The following GANAB variants were observed in gnomAD, a reference collection of about 807,000 sequenced individuals.
The protein encoded by GANAB is glucosidase II alpha subunit, also known as neutral alpha-glucosidase AB.
A neutral mutation model predicts 129.9 loss-of-function variants in GANAB; 35 were observed. The observed-to-expected ratio is 0.27, with a 90% CI of 0.21 to 0.36. The LOEUF (loss-of-function observed/expected upper bound fraction) is 0.36, where lower values mean the gene tolerates loss of function less well. Ranked by LOEUF, GANAB falls within the 10% of genes least tolerant of loss-of-function variation. GANAB has a pLI of 1.00. For missense variants in GANAB, 939 were observed against 1,221.0 expected, an observed-to-expected ratio of 0.77 and a Z score of 3.44; for synonymous variants, 482 against 451.8, an observed-to-expected ratio of 1.07 and a Z score of -0.85.
intron 6 of GANAB, 40 bp from the exon 7 acceptor site, chr11:62,633,311 G>T: frequency 6.4e-7 from 1 of 1,567,786 alleles, no homozygotes; most frequent in Non-Finnish European, 8.8e-7. Flanking sequence ...AATCATACCA[G>T]TTCTCTCTTT....
intron 5 of GANAB, chr11:62,633,954 T>A: frequency 2.8e-6 from 1 of 351,584 alleles, no homozygotes; most frequent in Non-Finnish European, 5.2e-6. Context: ...CAGACATACA[T>A]AGGGACTTCA....
In GANAB at chr11:62,631,091, G is replaced by A. The variant is rs779299637; in HGVS notation, c.1089C>T (p.Asp363=). The part of the protein sequence containing the change: ...VRWMSETGII[D]VFLLLGPSIS... ...TGGAGGGCCCCAGCAGCAGGAAGAC[G>A]TCAATGATGCCAGTCTCTGACATCC... is the stretch of plus-strand genomic sequence containing the variant. Residue 363 remains aspartate (D), a synonymous_variant, in exon 10 of 24, where the codon GAC becomes GAT. Coordinates refer to ENST00000356638, the MANE Select transcript of GANAB (RefSeq NM_198334.3). 42 of 1,611,480 alleles carry A rather than the reference G, an allele frequency of 2.6e-5. No homozygotes were observed. Among genetic ancestry groups the A allele is most frequent in the African/African-American group, 6.7e-5 (5 of 74,886 alleles).
intron 1 of GANAB, among the ~76,000 whole-genome samples, chr11:62,641,039 TAA>T (rs1032069836): frequency 2.0e-5 from 3 of 151,254 alleles, no homozygotes; most frequent in African/African-American, 7.3e-5. Context: ...GATGCAAAGT[TAA>T]AGAGCTAAAC....
chr11:62,630,398 A>G lies in GANAB; in HGVS notation c.1494T>C (p.Tyr498=). The G allele has an allele frequency of 1.2e-6, 2 of 1,614,204 alleles. No individual in the cohort carries two copies. The highest frequency in any genetic ancestry group is 1.7e-5 in the Admixed American group (1 of 60,024). ...LYVKTRDGSD[Y]EGWCWPGSAG... is the part of the protein sequence containing the mutation. ...GCTTACCTGGCCAGCACCAGCCCTC[A>G]TAGTCAGAGCCATCCCGGGTTTTAA... Residue 498 remains tyrosine (Y), a synonymous_variant, in exon 12 of 24, where the codon TAT becomes TAC. Coordinates refer to ENST00000356638, the MANE Select transcript of GANAB (RefSeq NM_198334.3).
At chr11:62,630,132 CGA>C in intron 13 of GANAB, 63 bp downstream of exon 13, 5 of 1,402,322 alleles carry the variant, frequency 3.6e-6, no homozygotes, top group South Asian at 2.4e-5. Context: ...GTTGGCAAGC[CGA>C]GAGAGATTCA....
At chr11:62,629,489 T>C (rs949145385) in intron 15 of GANAB, 99 bp downstream of exon 15, 29 of 860,326 alleles carry the variant, frequency 3.4e-5, no homozygotes, top group Admixed American at 1.3e-4. Flanking sequence ...ACAGATGCAG[T>C]GTGTGGCTCC....
At chr11:62,644,696 C>T (rs1398233858) in intron 1 of GANAB, among the ~76,000 whole-genome samples, 1 of 152,022 alleles carries the variant, frequency 6.6e-6, no homozygotes, top group Non-Finnish European at 1.5e-5. Context: ...CGGTGGCACA[C>T]GTCTGTAATC....
Position 62,642,537 on chromosome 11 carries a change from C to T in GANAB, c.39-2806G>A, listed in dbSNP as rs372583165. Among the ~76,000 whole-genome samples the T allele has an allele frequency of 2.0e-5, 3 of 151,816 alleles. No individual in the cohort carries two copies. In the South Asian group the frequency reaches 6.2e-4, roughly 32 times the overall value. The stretch of plus-strand genomic sequence containing the variant: ...GCAACCTCTGCCTCCTGGGTTCAAG[C>T]GATTCTCCCGCCTCAGCCTCCCGAG... On this transcript the variant is annotated intron_variant, in intron 1 of 23. Coordinates refer to ENST00000356638, the MANE Select transcript of GANAB (RefSeq NM_198334.3).
intron 5 of GANAB, 62 bp downstream of exon 5, chr11:62,634,759 C>T (rs781236942): frequency 5.1e-5 from 70 of 1,369,656 alleles, no homozygotes; most frequent in Admixed American, 9.1e-5. Context: ...CCGTGCCAGA[C>T]CTCACAACAC....
rs1233459771 is a variant in GANAB, at chr11:62,632,578, T to C, written c.983A>G (p.Asn328Ser). ...AAETWVDISS[N>S]TAGKTLFGKM... ...CTGTGCTCTCACCTTCCCGGCAGTGTTGGAAGATATATCAACCCAGGTCTC... is the reference window on the plus strand; with the variant it reads ...CTGTGCTCTCACCTTCCCGGCAGTGCTGGAAGATATATCAACCCAGGTCTC... Residue 328 changes from asparagine to serine, a missense_variant, in exon 9 of 24, where the codon AAC becomes AGC. Asn to Ser is a conservative substitution (Grantham distance 46). Coordinates refer to ENST00000356638, the MANE Select transcript of GANAB (RefSeq NM_198334.3). 2.5e-6 allele frequency: 4 copies of C among 1,613,642 alleles called. No homozygotes were observed. The highest frequency in any genetic ancestry group is 2.2e-5 in the East Asian group (1 of 44,896).
intron 4 of GANAB, among the ~76,000 whole-genome samples, chr11:62,636,061 G>C (rs1943927124): frequency 1.3e-5 from 2 of 152,060 alleles, no homozygotes; most frequent in African/African-American, 2.4e-5. Flanking sequence ...CACAATCTCG[G>C]CTCATTGCAA....
intron 18 of GANAB, 63 bp downstream of exon 18, chr11:62,627,226 C>A (rs1339016031): frequency 7.2e-7 from 1 of 1,391,742 alleles, no homozygotes; most frequent in Non-Finnish European, 1.0e-6. Flanking sequence ...TAGTCCCTCC[C>A]TGGGCATCCG....
intron 1 of GANAB, among the ~76,000 whole-genome samples, chr11:62,643,958 T>C (rs1049757256): frequency 2.6e-5 from 4 of 152,244 alleles, no homozygotes; most frequent in Non-Finnish European, 4.4e-5. Context: ...TTTTAATTTT[T>C]TTTGAAACTG....
chr11:62,636,840 T>C (rs1943964107), intron 4 of GANAB, among the ~76,000 whole-genome samples: 1 of 152,036 alleles, frequency 6.6e-6, no homozygotes, highest in Non-Finnish European at 1.5e-5. Flanking sequence ...GAAGAAAGAA[T>C]CGCTTCAACA....
chr11:62,635,392 C>G (rs1342411511), intron 4 of GANAB, among the ~76,000 whole-genome samples: 1 of 151,870 alleles, frequency 6.6e-6, no homozygotes, highest in African/African-American at 2.4e-5. Context: ...CATGTTGAGG[C>G]TGGTCTCAAA....
chr11:62,637,754 G>A (rs1944007604), intron 4 of GANAB, among the ~76,000 whole-genome samples: 2 of 151,920 alleles, frequency 1.3e-5, no homozygotes, highest in South Asian at 4.1e-4. Context: ...CGGAAACCCA[G>A]CCGGGCGCGG....
chr11:62,628,419 G>T (rs1190536116), intron 17 of GANAB, among the ~76,000 whole-genome samples: 1 of 151,670 alleles, frequency 6.6e-6, no homozygotes, highest in Non-Finnish European at 1.5e-5. Flanking sequence ...TGCCATGTTG[G>T]CCAGGCTGGT....
At chr11:62,644,760 C>T (rs940812805) in intron 1 of GANAB, among the ~76,000 whole-genome samples, 2 of 152,042 alleles carry the variant, frequency 1.3e-5, no homozygotes, top group East Asian at 3.9e-4. Flanking sequence ...GAGGTGGAAG[C>T]TGGAGTAAGC....
chr11:62,636,715 G>A (rs1177478060), intron 4 of GANAB, among the ~76,000 whole-genome samples: 1 of 151,866 alleles, frequency 6.6e-6, no homozygotes, highest in African/African-American at 2.4e-5. Flanking sequence ...CTTGGGCATA[G>A]TGGCATGAGC....
Sources: allele counts gnomAD v4.1 joint callset (sites outside exome capture counted in the v4.1 genomes callset), GRCh38; gene constraint gnomAD v4.1.1; transcripts MANE v1.5; gene names NCBI Gene and HGNC (gene_info 2026-07-23, HGNC 2026-07-21).